GALNT13: variants seen among roughly 807,000 people sequenced by gnomAD.
GALNT13 encodes the protein polypeptide N-acetylgalactosaminyltransferase 13, also known as UDP-GalNAc:polypeptide N-acetylgalactosaminyltransferase 13.
In GALNT13, 28 loss-of-function variants were observed where a neutral mutation model predicts 64.2. The observed-to-expected ratio is 0.44, with a 90% CI of 0.32 to 0.60. The LOEUF (loss-of-function observed/expected upper bound fraction) is 0.60, where lower values mean the gene tolerates loss of function less well. GALNT13 is among the 20% of genes least tolerant of loss of function. GALNT13 has a pLI of 0.05. For synonymous variants in GALNT13, 214 were observed against 224.6 expected (o/e 0.95, Z 0.42); for missense variants, 577 against 669.8 (o/e 0.86, Z 1.53).
chr2:153,493,765 A>G, the GALNT13 span, among the ~76,000 whole-genome samples: 1 of 152,016 alleles, frequency 6.6e-6, no homozygotes, highest in African/African-American at 2.4e-5. Context: ...CAAAGCCAAC[A>G]ATGTATGAAA....
At chr2:154,095,485 C>T (rs1483787494) in intron 3 of GALNT13, among the ~76,000 whole-genome samples, 1 of 151,848 alleles carries the variant, frequency 6.6e-6, no homozygotes, top group African/African-American at 2.4e-5. Flanking sequence ...AAAGAAAGGT[C>T]AAGAACCCCT....
the GALNT13 span, among the ~76,000 whole-genome samples, chr2:153,613,941 A>G: frequency 6.6e-6 from 1 of 152,096 alleles, no homozygotes; most frequent in Admixed American, 6.6e-5. Flanking sequence ...CAGCACACCA[A>G]CATGGCACAC....
At chr2:153,374,060 A>G in the GALNT13 span, among the ~76,000 whole-genome samples, 1 of 152,214 alleles carries the variant, frequency 6.6e-6, no homozygotes, top group Non-Finnish European at 1.5e-5. Context: ...TGTGAATAAC[A>G]CTGTTTAAAA....
the GALNT13 span, among the ~76,000 whole-genome samples, chr2:153,448,415 G>A: frequency 1.5e-4 from 23 of 151,772 alleles, no homozygotes; most frequent in Admixed American, 6.6e-5. Flanking sequence ...AATCTTTGTT[G>A]TCTAGGAACA....
intron 4 of GALNT13, among the ~76,000 whole-genome samples, chr2:154,174,816 A>T (rs1685560080): frequency 1.3e-5 from 2 of 152,148 alleles, no homozygotes; most frequent in Admixed American, 1.3e-4. Flanking sequence ...TTCATTGATG[A>T]CTACAATAGA....
intron 3 of GALNT13, among the ~76,000 whole-genome samples, chr2:154,088,311 T>G (rs979390835): frequency 6.6e-6 from 1 of 152,186 alleles, no homozygotes; most frequent in African/African-American, 2.4e-5. Flanking sequence ...AGACGCTATT[T>G]CCTTTTGTTC....
intron 11 of GALNT13, among the ~76,000 whole-genome samples, chr2:154,415,382 C>T (rs778337496): frequency 6.8e-4 from 103 of 152,138 alleles, no homozygotes; most frequent in Non-Finnish European, 1.2e-3. Context: ...ATATTCACAA[C>T]CCTAGTGAAT....
the GALNT13 span, among the ~76,000 whole-genome samples, chr2:153,550,540 T>C: frequency 6.6e-6 from 1 of 152,074 alleles, no homozygotes; most frequent in Non-Finnish European, 1.5e-5. Context: ...GGCTTAACTT[T>C]TGATTTTGCT....
chr2:154,221,713 C>T (rs1688333082), intron 4 of GALNT13, among the ~76,000 whole-genome samples: 1 of 152,118 alleles, frequency 6.6e-6, no homozygotes, highest in South Asian at 2.1e-4. Flanking sequence ...CTATTCATTA[C>T]TCTTGAAATC....
At chr2:153,691,956 G>T in the GALNT13 span, among the ~76,000 whole-genome samples, 66 of 152,176 alleles carry the variant, frequency 4.3e-4, no homozygotes, top group African/African-American at 1.5e-3. Flanking sequence ...TGTGAATTGG[G>T]TAAAGATGGA....
chr2:154,006,624 T>A (rs533386806), intron 3 of GALNT13, among the ~76,000 whole-genome samples: 1 of 152,256 alleles, frequency 6.6e-6, no homozygotes, highest in South Asian at 2.1e-4. Context: ...TAATATTTTT[T>A]AAATAAAAAT....
chr2:154,067,546 T>A (rs1338161691), intron 3 of GALNT13, among the ~76,000 whole-genome samples: 1 of 152,082 alleles, frequency 6.6e-6, no homozygotes, highest in Non-Finnish European at 1.5e-5. Context: ...CAAAGAAGTT[T>A]ATTATTTAAT....
chr2:154,123,452 A>G (rs1682072414), intron 3 of GALNT13, among the ~76,000 whole-genome samples: 1 of 151,980 alleles, frequency 6.6e-6, no homozygotes, highest in African/African-American at 2.4e-5. Flanking sequence ...ATTTGTCTAA[A>G]TATTTCCTAT....
the GALNT13 span, among the ~76,000 whole-genome samples, chr2:153,803,555 T>A: frequency 2.8e-4 from 42 of 151,576 alleles, no homozygotes; most frequent in African/African-American, 8.0e-4. Flanking sequence ...AGCCGGGCGC[T>A]GTGGCGGGCG....
chr2:153,142,632 G>C, the GALNT13 span, among the ~76,000 whole-genome samples: 378 of 152,024 alleles, frequency 2.5e-3, 1 homozygote, highest in Non-Finnish European at 3.5e-3. Context: ...GAGAGAGAGA[G>C]AGATCGATAA....
chr2:153,183,077 A>T, the GALNT13 span, among the ~76,000 whole-genome samples: 1 of 152,158 alleles, frequency 6.6e-6, no homozygotes, highest in Non-Finnish European at 1.5e-5. Context: ...TGGTTGAATT[A>T]ATTTATACTC....
intron 1 of GALNT13, among the ~76,000 whole-genome samples, chr2:153,878,664 G>A (rs914061743): frequency 6.6e-6 from 1 of 152,142 alleles, no homozygotes; most frequent in Non-Finnish European, 1.5e-5. Flanking sequence ...ATTGGGCAAT[G>A]ACAAAAAGAG....
intron 1 of GALNT13, among the ~76,000 whole-genome samples, chr2:153,876,412 A>G (rs1337371237): frequency 6.6e-6 from 1 of 152,204 alleles, no homozygotes; most frequent in Admixed American, 6.5e-5. Flanking sequence ...CCTGTGTTTG[A>G]AAAGTCTGGT....
chr2:153,569,528 A>T, the GALNT13 span, among the ~76,000 whole-genome samples: 23 of 149,300 alleles, frequency 1.5e-4, no homozygotes, highest in East Asian at 1.2e-3. Context: ...TTTTTTTTTA[A>T]AAAAAATCTT....
Sources: allele counts gnomAD v4.1 joint callset (sites outside exome capture counted in the v4.1 genomes callset), GRCh38; gene constraint gnomAD v4.1.1; transcripts MANE v1.5; gene names NCBI Gene and HGNC (gene_info 2026-07-23, HGNC 2026-07-21).